GPR158: variants seen among roughly 807,000 people sequenced by gnomAD.
GPR158 encodes the protein metabotropic glycine receptor.
A neutral mutation model predicts 78.2 loss-of-function variants in GPR158; 30 were observed. The observed-to-expected ratio is 0.38, with a 90% CI of 0.29 to 0.52. The LOEUF (loss-of-function observed/expected upper bound fraction) is 0.52, where lower values mean the gene tolerates loss of function less well. GPR158 is among the 20% of genes least tolerant of loss of function. GPR158 has a pLI of 0.83. For synonymous variants in GPR158, 581 were observed against 591.1 expected (o/e 0.98, Z 0.25); for missense variants, 1,463 against 1,523.5 (o/e 0.96, Z 0.66).
chr10:25,421,767 A>T (rs1209259166), intron 4 of GPR158, among the ~76,000 whole-genome samples: 2 of 152,180 alleles, frequency 1.3e-5, no homozygotes, highest in African/African-American at 2.4e-5. Context: ...ATGAATAAAA[A>T]ATTTGGTGCT....
At chr10:25,288,089 A>T (rs1854378681) in intron 2 of GPR158, among the ~76,000 whole-genome samples, 1 of 152,230 alleles carries the variant, frequency 6.6e-6, no homozygotes, top group South Asian at 2.1e-4. Flanking sequence ...CATAATGCAT[A>T]CTATGTGTGA....
intron 7 of GPR158, among the ~76,000 whole-genome samples, chr10:25,575,608 C>A (rs1332483805): frequency 1.3e-5 from 2 of 152,102 alleles, no homozygotes; most frequent in African/African-American, 4.8e-5. Flanking sequence ...GCTGACTCCA[C>A]GGAGGGAGTC....
chr10:25,318,498 G>A (rs561988557), intron 2 of GPR158, among the ~76,000 whole-genome samples: 102 of 152,022 alleles, frequency 6.7e-4, no homozygotes, highest in African/African-American at 2.3e-3. Flanking sequence ...TCTTTCTTCC[G>A]TACAGTTTTT....
chr10:25,184,995 T>A (rs553426004), intron 1 of GPR158, among the ~76,000 whole-genome samples: 2 of 152,228 alleles, frequency 1.3e-5, no homozygotes, highest in East Asian at 1.9e-4. Context: ...GGCTGTCTTA[T>A]TCACTGTAAG....
At chr10:25,252,949 T>C (rs1336879840) in intron 2 of GPR158, among the ~76,000 whole-genome samples, 2 of 152,212 alleles carry the variant, frequency 1.3e-5, no homozygotes, top group Admixed American at 6.5e-5. Flanking sequence ...CAGACTGCTG[T>C]GCTAGCAATC....
At chr10:25,386,348 G>A (rs1754259) in intron 2 of GPR158, among the ~76,000 whole-genome samples, 124,778 of 152,082 alleles carry the variant, frequency 0.82, 52,245 homozygotes, top group African/African-American at 0.87. Context: ...TAGCTTTGTA[G>A]TGTGTTTTGA....
intron 5 of GPR158, among the ~76,000 whole-genome samples, chr10:25,481,436 A>G (rs1835662587): frequency 6.6e-6 from 1 of 152,154 alleles, no homozygotes; most frequent in South Asian, 2.1e-4. Context: ...TGGATTGACC[A>G]CCTTAAGGAA....
At chr10:25,289,363 G>A (rs187783233) in intron 2 of GPR158, among the ~76,000 whole-genome samples, 31 of 152,296 alleles carry the variant, frequency 2.0e-4, no homozygotes, top group Admixed American at 3.9e-4. Flanking sequence ...CACAGAGGGC[G>A]TGTTTAAAAG....
rs1272339011 is a variant in GPR158, at chr10:25,358,837, A to AC, written c.1009-37073dup. On this transcript the variant is annotated intron_variant, in intron 2 of 10. Coordinates refer to ENST00000376351, the MANE Select transcript of GPR158 (RefSeq NM_020752.3). ...TTTAGTCAGAGAATATACTTACATA[A>AC]CTTTAATTCTTTTTAATTGTTTGAG... Among the ~76,000 whole-genome samples the AC allele has an allele frequency of 3.3e-5, 5 of 152,232 alleles. No individual in the cohort carries two copies. In the South Asian group the frequency reaches 6.2e-4, roughly 19 times the overall value.
intron 1 of GPR158, among the ~76,000 whole-genome samples, chr10:25,194,858 TTTC>T (rs1397694479): frequency 1.3e-5 from 2 of 151,838 alleles, no homozygotes; most frequent in Admixed American, 6.5e-5. Flanking sequence ...CTTTTATTCT[TTTC>T]TTCTTTTGCC....
intron 2 of GPR158, among the ~76,000 whole-genome samples, chr10:25,249,881 G>T (rs1340038414): frequency 7.1e-6 from 1 of 140,570 alleles, no homozygotes; most frequent in African/African-American, 2.7e-5. Context: ...AGTTTCAGAA[G>T]GAATGGTACC....
chr10:25,275,440 G>C (rs1025035187), intron 2 of GPR158, among the ~76,000 whole-genome samples: 3 of 152,000 alleles, frequency 2.0e-5, no homozygotes, highest in African/African-American at 7.3e-5. Flanking sequence ...TGTTCTCTCC[G>C]TTAGCCCCTC....
intron 1 of GPR158, among the ~76,000 whole-genome samples, chr10:25,195,437 C>G (rs1588728799): frequency 1.3e-5 from 2 of 152,244 alleles, no homozygotes; most frequent in Middle Eastern, 6.8e-3. Flanking sequence ...AACTCCTGAC[C>G]TCAGGTGATC....
At chr10:25,551,635 C>G (rs1836726154) in intron 6 of GPR158, among the ~76,000 whole-genome samples, 1 of 152,122 alleles carries the variant, frequency 6.6e-6, no homozygotes, top group South Asian at 2.1e-4. Flanking sequence ...ATACTTAGTT[C>G]TAAACCACCT....
intron 2 of GPR158, among the ~76,000 whole-genome samples, chr10:25,377,434 G>A (rs974163818): frequency 6.6e-6 from 1 of 151,914 alleles, no homozygotes; most frequent in Non-Finnish European, 1.5e-5. Flanking sequence ...GTAGAATTCA[G>A]TGATTTTAGT....
At chr10:25,283,079 T>A (rs868175610) in intron 2 of GPR158, among the ~76,000 whole-genome samples, 38 of 152,160 alleles carry the variant, frequency 2.5e-4, no homozygotes, top group African/African-American at 9.1e-4. Flanking sequence ...TTTGTAGAGT[T>A]CAGAGTATAT....
chr10:25,317,136 C>T (rs1053655014), intron 2 of GPR158, among the ~76,000 whole-genome samples: 14 of 151,892 alleles, frequency 9.2e-5, no homozygotes, highest in African/African-American at 3.4e-4. Context: ...CCTCCACCTC[C>T]TGGGTTCAAG....
chr10:25,374,795 T>C (rs770480298), intron 2 of GPR158, among the ~76,000 whole-genome samples: 1 of 151,796 alleles, frequency 6.6e-6, no homozygotes, highest in Non-Finnish European at 1.5e-5. Flanking sequence ...TTAACCTTTA[T>C]TCAAGTGAAG....
At chr10:25,492,255 C>T (rs772166666) in intron 5 of GPR158, among the ~76,000 whole-genome samples, 4 of 152,208 alleles carry the variant, frequency 2.6e-5, no homozygotes, top group African/African-American at 4.8e-5. Flanking sequence ...ATAACCCAAA[C>T]ACCTCCCACC....
Sources: gnomAD v4.1 joint callset for allele counts (sites outside exome capture counted in the v4.1 genomes callset) on GRCh38, gnomAD v4.1.1 for gene constraint, MANE v1.5 for transcripts, NCBI Gene and HGNC (gene_info 2026-07-23, HGNC 2026-07-21) for gene names.